Variants in ADGRL2 observed in about 807,000 individuals in gnomAD.
ADGRL2 encodes calcium-independent alpha-latrotoxin receptor 2.
A neutral mutation model predicts 157.4 loss-of-function variants in ADGRL2; 44 were observed. The ratio of observed to expected loss-of-function variants is 0.28; its 90% confidence interval spans 0.22 to 0.36. The LOEUF is 0.36. Among genes scored for constraint, ADGRL2 ranks in the 10% least tolerant of loss-of-function variants. The pLI, the probability that ADGRL2 is intolerant of heterozygous loss-of-function variation, is 1.00. For missense variants in ADGRL2, 1,510 were observed against 1,768.9 expected (o/e 0.85, Z 2.63); for synonymous variants, 585 against 624.7 (o/e 0.94, Z 0.95).
At chr1:81,602,915 A>T (rs889859957) in intron 3 of ADGRL2, among the ~76,000 whole-genome samples, 1 of 140,048 alleles carries the variant, frequency 7.1e-6, no homozygotes, top group Admixed American at 7.2e-5. Context: ...AAAAAAAAAA[A>T]GTGTCCAATA....
At chr1:81,979,139 TC>T (rs1439188948) in intron 17 of ADGRL2, among the ~76,000 whole-genome samples, 1 of 151,802 alleles carries the variant, frequency 6.6e-6, no homozygotes, top group African/African-American at 2.4e-5. Flanking sequence ...CCTCTTGGAA[TC>T]CACTCACTTT....
chr1:81,613,815 A>G (rs2081590385), intron 3 of ADGRL2, among the ~76,000 whole-genome samples: 1 of 152,206 alleles, frequency 6.6e-6, no homozygotes, highest in Admixed American at 6.5e-5. Flanking sequence ...TCTGAGCTAA[A>G]TGACTTTTAA....
In ADGRL2 at chr1:81,966,548, A is replaced by G. The variant is rs1657099726; in HGVS notation, c.2288A>G (p.Asn763Ser). ...VNSHVISVSI[N>S]KESSRVYLTD... ...TCTCACGTCATTTCAGTTTCAATCA[A>G]TAAAGAGTCCAGCCGAGTATACCTG... Residue 763 changes from asparagine to serine, a missense_variant, in exon 13 of 24, where the codon AAT becomes AGT. Physicochemically the swap from Asn to Ser is conservative, Grantham distance 46. Coordinates refer to ENST00000686636, the MANE Select transcript of ADGRL2 (RefSeq NM_001366006.2). 6.2e-7 allele frequency: 1 copy of G among 1,614,024 alleles called. No homozygotes were observed. Among genetic ancestry groups the G allele is most frequent in the Non-Finnish European group, 8.5e-7 (1 of 1,180,020 alleles).
intron 1 of ADGRL2, among the ~76,000 whole-genome samples, chr1:81,322,958 A>G (rs992129784): frequency 6.6e-6 from 1 of 151,474 alleles, no homozygotes; most frequent in African/African-American, 2.4e-5. Flanking sequence ...CTTTGGTTCA[A>G]GCAATTTTCC....
intron 2 of ADGRL2, among the ~76,000 whole-genome samples, chr1:81,521,972 T>G (rs971827533): frequency 7.9e-5 from 12 of 151,556 alleles, no homozygotes; most frequent in South Asian, 2.1e-4. Flanking sequence ...TTTTTGTTTT[T>G]TTTTTTTTTT....
In ADGRL2 at chr1:81,950,630, T is replaced by C. The variant is rs991251492; in HGVS notation, c.1504+148T>C. On this transcript the variant is annotated intron_variant, in intron 7 of 23. Coordinates refer to ENST00000686636, the MANE Select transcript of ADGRL2 (RefSeq NM_001366006.2). Reference sequence around the variant, plus strand: ...GGTAATATAACATCTATGGACAAAGTTTTTTAAACTGTAAAAGTCATTTAA... The same window carrying C: ...GGTAATATAACATCTATGGACAAAGCTTTTTAAACTGTAAAAGTCATTTAA... The C allele has an allele frequency of 9.2e-6, 7 of 758,462 alleles. No individual in the cohort carries two copies. In the African/African-American group the frequency reaches 1.1e-4, roughly 12 times the overall value. 47.0% of individuals were successfully genotyped at this position (758,462 alleles called of 1,614,324 possible). A position where few individuals can be genotyped will look rare whatever the true frequency, so the allele number is the denominator to read the frequency against.
chr1:81,442,557 G>A (rs546237034), intron 1 of ADGRL2, among the ~76,000 whole-genome samples: 5 of 152,310 alleles, frequency 3.3e-5, no homozygotes, highest in African/African-American at 1.2e-4. Flanking sequence ...ACCAAGAGCG[G>A]TGTGAAGACT....
At chr1:81,664,469 C>T (rs1163780849) in intron 3 of ADGRL2, among the ~76,000 whole-genome samples, 1 of 152,114 alleles carries the variant, frequency 6.6e-6, no homozygotes. Flanking sequence ...CAATCAGTGA[C>T]ATTTCCTTAA....
chr1:81,559,214 T>C, intron 2 of ADGRL2, among the ~76,000 whole-genome samples: 1 of 152,158 alleles, frequency 6.6e-6, no homozygotes, highest in Non-Finnish European at 1.5e-5. Flanking sequence ...AAGATGGAAT[T>C]AATAACCAGT....
At chr1:81,959,215 C>T (rs958051630) in intron 11 of ADGRL2, among the ~76,000 whole-genome samples, 2 of 152,118 alleles carry the variant, frequency 1.3e-5, no homozygotes, top group African/African-American at 4.8e-5. Flanking sequence ...GGAGGCATCT[C>T]ATTGTGGATT....
intron 2 of ADGRL2, among the ~76,000 whole-genome samples, chr1:81,901,181 A>T (rs284224): frequency 0.56 from 85,640 of 151,960 alleles, 24,884 homozygotes; most frequent in Middle Eastern, 0.66. Flanking sequence ...AAATTGCCTC[A>T]GATGTGGACC....
At chr1:81,696,152 C>G (rs2083438771), upstream of ADGRL2, among the ~76,000 whole-genome samples, 1 of 151,932 alleles carries the variant, frequency 6.6e-6, no homozygotes, top group South Asian at 2.1e-4. Flanking sequence ...CCCAAGAAGG[C>G]AAAAATAGTC....
At chr1:81,939,858 CTT>C (rs34929245) in intron 4 of ADGRL2, among the ~76,000 whole-genome samples, 3 of 151,126 alleles carry the variant, frequency 2.0e-5, no homozygotes, top group Admixed American at 2.0e-4. Context: ...AACGTAGGGA[CTT>C]TTTTGTTGTA....
chr1:81,381,311 A>G (rs1448443121), intron 1 of ADGRL2, among the ~76,000 whole-genome samples: 1 of 152,208 alleles, frequency 6.6e-6, no homozygotes, highest in Non-Finnish European at 1.5e-5. Flanking sequence ...CCTAAATAAT[A>G]GTAAAAATTA....
At chr1:81,830,195 C>T (rs1326599761) in intron 1 of ADGRL2, among the ~76,000 whole-genome samples, 6 of 152,078 alleles carry the variant, frequency 3.9e-5, no homozygotes, top group African/African-American at 1.4e-4. Context: ...TAGAACCTAA[C>T]ACAGGACCAG....
chr1:81,512,217 T>C (rs1235566652), intron 2 of ADGRL2, among the ~76,000 whole-genome samples: 1 of 152,236 alleles, frequency 6.6e-6, no homozygotes, highest in Non-Finnish European at 1.5e-5. Context: ...TAATCAACTC[T>C]AAAGAGACTA....
chr1:81,833,675 A>G (rs1322330542), intron 1 of ADGRL2, among the ~76,000 whole-genome samples: 2 of 152,300 alleles, frequency 1.3e-5, no homozygotes, highest in East Asian at 1.9e-4. Context: ...CCTTTTAAGT[A>G]ATTTTGCGGA....
intron 1 of ADGRL2, among the ~76,000 whole-genome samples, chr1:81,706,071 C>T (rs1048424600): frequency 7.2e-5 from 11 of 151,982 alleles, no homozygotes; most frequent in Non-Finnish European, 1.0e-4. Flanking sequence ...TGGTCATGCA[C>T]GCCTGTAGTC....
rs766646868 is a variant in ADGRL2, at chr1:81,991,086, G to A, written c.4351G>A (p.Gly1451Arg). The A allele has an allele frequency of 1.9e-6, 3 of 1,612,960 alleles. No individual in the cohort carries two copies. ...DGYIIPINKE[G>R]CIPEGDVREG... ...TTATATAATCCCCATTAACAAAGAA[G>A]GGTGTATTCCAGAAGGAGATGTTAG... The change falls in exon 24 of 24, where the codon GGG becomes AGG. Residue 1451 changes from glycine (G) to arginine (R), a missense_variant. Physicochemically the swap from Gly to Arg is moderately radical, Grantham distance 125. Transcript: ENST00000686636.
Sources: gnomAD v4.1 joint callset for allele counts (sites outside exome capture counted in the v4.1 genomes callset) on GRCh38, gnomAD v4.1.1 for gene constraint, MANE v1.5 for transcripts, NCBI Gene and HGNC (gene_info 2026-07-23, HGNC 2026-07-21) for gene names.